TAB2: variants seen among roughly 807,000 people sequenced by gnomAD.
TAB2 encodes TGF-beta-activated kinase 1 and MAP3K7-binding protein 2.
In TAB2, 3 loss-of-function variants were observed where a neutral mutation model predicts 65.0. That is an observed-to-expected ratio of 0.05 (90% confidence interval 0.02 to 0.12). The LOEUF (loss-of-function observed/expected upper bound fraction) is 0.12, where lower values mean the gene tolerates loss of function less well. Among genes scored for constraint, TAB2 ranks in the 10% least tolerant of loss-of-function variants. The probability of loss-of-function intolerance (pLI) is 1.00; values close to 1 mark genes in which losing one functional copy is unlikely to be tolerated. For synonymous variants in TAB2, 298 were observed against 285.1 expected (o/e 1.05, Z -0.46); for missense variants, 623 against 840.3 (o/e 0.74, Z 3.20).
intron 1 of TAB2, among the ~76,000 whole-genome samples, chr6:149,236,532 T>G (rs996106518): frequency 6.6e-5 from 10 of 152,202 alleles, no homozygotes; most frequent in Admixed American, 1.3e-4. Flanking sequence ...TTCTACTCAC[T>G]CAGTGCTTTC....
intron 1 of TAB2, among the ~76,000 whole-genome samples, chr6:149,323,919 T>TG (rs953543682): frequency 3.5e-4 from 1 of 2,820 alleles, no homozygotes; most frequent in African/African-American, 7.6e-4. Flanking sequence ...ACTCTTGTAA[T>TG]TTTTTTTCTT....
At chr6:149,290,336 C>T (rs534163919) in intron 1 of TAB2, among the ~76,000 whole-genome samples, 12 of 152,320 alleles carry the variant, frequency 7.9e-5, no homozygotes, top group African/African-American at 2.9e-4. Context: ...GTCATCTTTT[C>T]AGAGGATGCA....
chr6:149,227,807 G>A (rs755165139), intron 1 of TAB2, among the ~76,000 whole-genome samples: 10 of 152,058 alleles, frequency 6.6e-5, no homozygotes, highest in Non-Finnish European at 1.5e-4. Flanking sequence ...GGGAGTGGTC[G>A]CCTTGATCAT....
At chr6:149,243,775 A>G (rs998803643) in intron 1 of TAB2, 10 of 152,268 alleles carry the variant, frequency 6.6e-5, no homozygotes, top group African/African-American at 2.4e-4. Flanking sequence ...ATGAAAAGAA[A>G]TGAAATTGAA....
At chr6:149,245,685 G>GGAAACAATGCA (rs1021475071) in intron 1 of TAB2, 1 of 151,830 alleles carries the variant, frequency 6.6e-6, no homozygotes, top group Admixed American at 6.6e-5. Context: ...ATACAGATAT[G>GGAAACAATGCA]GAAACAATGC....
chr6:149,405,825 C>T (rs575018892), intron 6 of TAB2, among the ~76,000 whole-genome samples: 4 of 151,488 alleles, frequency 2.6e-5, no homozygotes, highest in East Asian at 3.9e-4. Flanking sequence ...ATCTAGTGTA[C>T]AACAGTGTGA....
chr6:149,403,331 CATAT>C (rs1163835321), intron 6 of TAB2, among the ~76,000 whole-genome samples: 6 of 33,744 alleles, frequency 1.8e-4, no homozygotes, highest in Non-Finnish European at 2.4e-4. Context: ...CATATATATA[CATAT>C]ATATACACAC....
At chr6:149,403,247 AATATATATATATAT>A (rs71010865) in intron 6 of TAB2, among the ~76,000 whole-genome samples, 5 of 44,034 alleles carry the variant, frequency 1.1e-4, no homozygotes, top group African/African-American at 3.7e-4. Flanking sequence ...AAAAAAAAAA[AATATATATATATAT>A]ATATATATAT....
intron 1 of TAB2, chr6:149,321,496 T>C (rs995488994): frequency 6.6e-6 from 1 of 152,208 alleles, no homozygotes; most frequent in Non-Finnish European, 1.5e-5. Context: ...GAGGGTACTA[T>C]CTTTTTCTAA....
At chr6:149,398,344 T>G (rs564577995) in intron 5 of TAB2, among the ~76,000 whole-genome samples, 1 of 152,232 alleles carries the variant, frequency 6.6e-6, no homozygotes, top group Non-Finnish European at 1.5e-5. Context: ...TGTTTTCTTA[T>G]AGTAAATAAT....
chr6:149,331,556 C>T (rs1371904997), intron 1 of TAB2, among the ~76,000 whole-genome samples: 2 of 152,072 alleles, frequency 1.3e-5, no homozygotes, highest in Non-Finnish European at 2.9e-5. Flanking sequence ...TCTTCCTCTG[C>T]TACTTGCAAT....
intron 1 of TAB2, among the ~76,000 whole-genome samples, chr6:149,285,752 G>T (rs9485371): frequency 0.2 from 30,473 of 152,118 alleles, 3,269 homozygotes; most frequent in East Asian, 0.43. Flanking sequence ...ACAAACTGAC[G>T]TGCTTGTAAA....
intron 1 of TAB2, among the ~76,000 whole-genome samples, chr6:149,299,137 A>C (rs1011704147): frequency 6.6e-6 from 1 of 152,254 alleles, no homozygotes; most frequent in Non-Finnish European, 1.5e-5. Context: ...GTGGAAGAGA[A>C]AAACTGTGTT....
chr6:149,299,502 G>C (rs952390417), intron 1 of TAB2, among the ~76,000 whole-genome samples: 2 of 152,142 alleles, frequency 1.3e-5, no homozygotes, highest in Non-Finnish European at 2.9e-5. Flanking sequence ...AACCCAGGAG[G>C]GGGAGGCTGC....
chr6:149,277,145 C>T (rs1262576031), intron 1 of TAB2, among the ~76,000 whole-genome samples: 1 of 152,196 alleles, frequency 6.6e-6, no homozygotes, highest in Non-Finnish European at 1.5e-5. Flanking sequence ...TAAATTAAAC[C>T]TCTTTACTTT....
At chr6:149,297,821 C>G (rs1778904312) in intron 1 of TAB2, among the ~76,000 whole-genome samples, 1 of 152,148 alleles carries the variant, frequency 6.6e-6, no homozygotes, top group African/African-American at 2.4e-5. Flanking sequence ...GTGTGAGCTA[C>G]TATGCCTGGC....
In TAB2 at chr6:149,256,321, G is replaced by C. The variant is rs77621477; in HGVS notation, c.-121+37545G>C. Among the ~76,000 whole-genome samples, 947 of 152,198 alleles carry C rather than the reference G, an allele frequency of 6.2e-3. 8 individuals carry two copies. Among genetic ancestry groups the C allele is most frequent in the African/African-American group, 0.022 (909 of 41,526 alleles). On this transcript the variant is annotated intron_variant, in intron 1 of 1. Coordinates refer to the TAB2 transcript ENST00000606202. ...GAAATATATTAGAATTGTATGGGTG[G>C]AATGTATACTTGCATATAGAATTTA...
rs1157352939 is a variant in TAB2 at position 149,327,408 on chromosome 6, C to T, written c.-90+9393C>T. Among the ~76,000 whole-genome samples, 7 of 152,202 alleles carry T rather than the reference C, an allele frequency of 4.6e-5. No homozygotes were observed. In the East Asian group the frequency reaches 1.2e-3, roughly 25 times the overall value. On this transcript the variant is annotated intron_variant, in intron 1 of 6. Transcript: ENST00000637181. Reference sequence around the variant, plus strand: ...TCTCGATTTCTAGGCCCAAGCCATCCTCTTGCCTCAGCTTCCCAAGTAGCT... The same window carrying T: ...TCTCGATTTCTAGGCCCAAGCCATCTTCTTGCCTCAGCTTCCCAAGTAGCT...
At chr6:149,400,889 C>G in intron 6 of TAB2, 1 of 574,936 alleles carries the variant, frequency 1.7e-6, no homozygotes, top group Non-Finnish European at 3.0e-6. Context: ...TTCTTCAAAC[C>G]AAACAGCCAA....
Sources: allele counts gnomAD v4.1 joint callset (sites outside exome capture counted in the v4.1 genomes callset), GRCh38; gene constraint gnomAD v4.1.1; transcripts MANE v1.5; gene names NCBI Gene and HGNC (gene_info 2026-07-23, HGNC 2026-07-21).